The following CMIP variants were observed in gnomAD, a reference collection of about 807,000 sequenced individuals.
CMIP encodes the protein C-Maf-inducing protein.
Under a neutral mutation model 97.3 loss-of-function variants are expected in CMIP, and 13 were observed. The observed-to-expected ratio is 0.13, with a 90% CI of 0.09 to 0.21. CMIP has a LOEUF of 0.21. Ranked by LOEUF, CMIP falls within the 10% of genes least tolerant of loss-of-function variation. The pLI is 1.00. For synonymous variants in CMIP, 538 were observed against 436.3 expected, an observed-to-expected ratio of 1.23 and a Z score of -2.91; for missense variants, 847 against 1,024.9, an observed-to-expected ratio of 0.83 and a Z score of 2.37.
intron 1 of CMIP, among the ~76,000 whole-genome samples, chr16:81,596,243 C>T (rs190598284): frequency 7.2e-5 from 11 of 152,124 alleles, no homozygotes; most frequent in Admixed American, 2.0e-4. Flanking sequence ...TGGTGGCTCA[C>T]GCCTGTAATC....
intron 1 of CMIP, among the ~76,000 whole-genome samples, chr16:81,456,575 C>CT (rs572781414): frequency 2.5e-3 from 385 of 152,330 alleles, no homozygotes; most frequent in African/African-American, 7.9e-3. Flanking sequence ...ATCTAATCCT[C>CT]ACGATGCCCC....
intron 1 of CMIP, among the ~76,000 whole-genome samples, chr16:81,561,101 C>G (rs1292651541): frequency 2.0e-5 from 3 of 152,208 alleles, no homozygotes; most frequent in Non-Finnish European, 4.4e-5. Flanking sequence ...ATTACAGGCA[C>G]ATGCCACCAC....
At chr16:81,678,825 G>A (rs1398038687) in intron 10 of CMIP, among the ~76,000 whole-genome samples, 197 bp downstream of exon 10, 1 of 152,238 alleles carries the variant, frequency 6.6e-6, no homozygotes, top group Non-Finnish European at 1.5e-5. Flanking sequence ...AGGCATACAG[G>A]GTGCATATGT....
intron 1 of CMIP, among the ~76,000 whole-genome samples, chr16:81,478,170 G>A (rs943715812): frequency 3.3e-5 from 5 of 152,140 alleles, no homozygotes; most frequent in Admixed American, 1.3e-4. Flanking sequence ...TTGGGAAGGC[G>A]AAGGCTGGTC....
chr16:81,604,383 C>G (rs1282240927), intron 1 of CMIP, among the ~76,000 whole-genome samples: 5 of 98,046 alleles, frequency 5.1e-5, no homozygotes, highest in African/African-American at 2.2e-4. Flanking sequence ...GTGACAAGAG[C>G]AAAACTCTGT....
chr16:81,593,539 C>G (rs1230977098), intron 1 of CMIP, among the ~76,000 whole-genome samples: 2 of 152,258 alleles, frequency 1.3e-5, no homozygotes, highest in African/African-American at 4.8e-5. Flanking sequence ...CGGAGCTTTC[C>G]TCTCCGCTCT....
intron 14 of CMIP, 197 bp downstream of exon 14, chr16:81,696,864 C>G: frequency 1.7e-6 from 1 of 605,878 alleles, no homozygotes; most frequent in Non-Finnish European, 2.9e-6. Context: ...TTATCTGAGG[C>G]TCCAAGCCAA....
intron 1 of CMIP, among the ~76,000 whole-genome samples, chr16:81,604,229 A>G (rs1439355595): frequency 1.3e-5 from 2 of 151,458 alleles, no homozygotes; most frequent in African/African-American, 4.9e-5. Context: ...CCCCATCTCT[A>G]CTAAAAATAC....
At chr16:81,565,559 C>T (rs566459804) in intron 1 of CMIP, among the ~76,000 whole-genome samples, 5 of 152,344 alleles carry the variant, frequency 3.3e-5, no homozygotes, top group East Asian at 1.9e-4. Context: ...GAACCCATAT[C>T]GGTGGGCTCA....
intron 2 of CMIP, among the ~76,000 whole-genome samples, chr16:81,613,108 A>G (rs1405245343): frequency 2.0e-5 from 3 of 152,206 alleles, no homozygotes; most frequent in Non-Finnish European, 2.9e-5. Flanking sequence ...GACAAGCCAA[A>G]GGAACGAGCA....
chr16:81,645,364 G>A (rs1361699708), intron 3 of CMIP: 5 of 1,439,654 alleles, frequency 3.5e-6, no homozygotes, highest in Middle Eastern at 3.7e-4. Context: ...GGGTGTGTAC[G>A]CGCGCGAGCC....
At chr16:81,474,954 C>A (rs1035571646) in intron 1 of CMIP, among the ~76,000 whole-genome samples, 1 of 152,212 alleles carries the variant, frequency 6.6e-6, no homozygotes, top group African/African-American at 2.4e-5. Context: ...GAGGGTAACT[C>A]ATTTTGGAAG....
intron 1 of CMIP, among the ~76,000 whole-genome samples, chr16:81,474,863 C>T (rs1052165787): frequency 9.3e-5 from 14 of 149,896 alleles, no homozygotes; most frequent in Admixed American, 3.3e-4. Flanking sequence ...CCATGGGGGG[C>T]GGGCGGGGAG....
chr16:81,628,370 A>G (rs902710074), intron 3 of CMIP, among the ~76,000 whole-genome samples: 1 of 152,170 alleles, frequency 6.6e-6, no homozygotes, highest in African/African-American at 2.4e-5. Context: ...TTGCACCCCA[A>G]GGCCTTAGCA....
intron 1 of CMIP, among the ~76,000 whole-genome samples, chr16:81,543,293 C>T (rs2090482460): frequency 1.3e-5 from 2 of 152,194 alleles, no homozygotes; most frequent in South Asian, 2.1e-4. Context: ...CTCCTCCCTT[C>T]CCTAATCATG....
At chr16:81,617,656 C>CT (rs2091937961) in intron 2 of CMIP, 1 of 152,380 alleles carries the variant, frequency 6.6e-6, no homozygotes, top group Non-Finnish European at 1.5e-5. Flanking sequence ...TCACTTTCCT[C>CT]TTTCTTCCTT....
intron 1 of CMIP, among the ~76,000 whole-genome samples, chr16:81,521,380 C>T (rs942983580): frequency 1.3e-5 from 2 of 151,850 alleles, no homozygotes; most frequent in African/African-American, 4.8e-5. Context: ...ATTTGCCACC[C>T]CCCCCCGAAT....
intron 3 of CMIP, among the ~76,000 whole-genome samples, chr16:81,633,676 T>A (rs2092196097): frequency 6.6e-6 from 1 of 152,188 alleles, no homozygotes; most frequent in Non-Finnish European, 1.5e-5. Flanking sequence ...AGACCCCCTT[T>A]CAGAGAAACT....
chr16:81,532,676 T>G (rs1424539346), intron 1 of CMIP, among the ~76,000 whole-genome samples: 3 of 152,154 alleles, frequency 2.0e-5, no homozygotes, highest in Non-Finnish European at 2.9e-5. Context: ...CACCTGGGCC[T>G]TTCCTCCAGG....
Sources: allele counts gnomAD v4.1 joint callset (sites outside exome capture counted in the v4.1 genomes callset), GRCh38; gene constraint gnomAD v4.1.1; transcripts MANE v1.5; gene names NCBI Gene and HGNC (gene_info 2026-07-23, HGNC 2026-07-21).